The following AFF2 variants were observed in gnomAD, a reference collection of about 807,000 sequenced individuals.
AFF2 encodes AF4/FMR2 family member 2.
A neutral mutation model predicts 76.9 loss-of-function variants in AFF2; 14 were observed. That is an observed-to-expected ratio of 0.18 (90% CI 0.12 to 0.28). The LOEUF (loss-of-function observed/expected upper bound fraction) is 0.28, where lower values mean the gene tolerates loss of function less well. Ranked by LOEUF, AFF2 falls within the 10% of genes least tolerant of loss-of-function variation. AFF2 has a pLI of 1.00. For missense variants in AFF2, 868 were observed against 1,001.1 expected, an observed-to-expected ratio of 0.87 and a Z score of 1.79; for synonymous variants, 398 against 366.7, an observed-to-expected ratio of 1.09 and a Z score of -0.98.
intron 8 of AFF2, among the ~76,000 whole-genome samples, chrX:148,898,285 G>T (rs2071316808): frequency 8.9e-6 from 1 of 112,198 alleles, no homozygotes; most frequent in East Asian, 2.8e-4. Flanking sequence ...TAGAATGGCA[G>T]TGTGAGTGAA....
intron 3 of AFF2, among the ~76,000 whole-genome samples, chrX:148,754,911 G>A (rs1380473447): frequency 9.0e-6 from 1 of 111,640 alleles, no homozygotes; most frequent in Non-Finnish European, 1.9e-5. Flanking sequence ...GGATTACAAT[G>A]AAATAAATAA....
At chrX:148,655,710 C>T (rs1386653839) in intron 2 of AFF2, among the ~76,000 whole-genome samples, 2 of 111,783 alleles carry the variant, frequency 1.8e-5, no homozygotes, top group African/African-American at 6.5e-5. Flanking sequence ...TCAGGGTTCC[C>T]TGGGAGAACA....
chrX:148,978,582 C>T (rs782566748), intron 18 of AFF2, 127 bp downstream of exon 18: 6 of 468,846 alleles, frequency 1.3e-5, no homozygotes, highest in African/African-American at 7.2e-5. Flanking sequence ...TGGCCATGGC[C>T]GTCCTACCCT....
chrX:148,960,722 T>C (rs2072099292), intron 12 of AFF2, among the ~76,000 whole-genome samples: 1 of 112,172 alleles, frequency 8.9e-6, no homozygotes, highest in Non-Finnish European at 1.9e-5. Context: ...CACCAGACTA[T>C]GACAGCTATA....
chrX:148,784,136 G>T (rs2069782275), intron 3 of AFF2, among the ~76,000 whole-genome samples: 1 of 112,276 alleles, frequency 8.9e-6, no homozygotes, highest in African/African-American at 3.2e-5. Flanking sequence ...GTTCAGAGTA[G>T]ATTAAGGAAA....
intron 10 of AFF2, among the ~76,000 whole-genome samples, chrX:148,954,914 C>CA (rs782786075): frequency 3.4e-4 from 38 of 112,385 alleles, no homozygotes; most frequent in Non-Finnish European, 6.4e-4. Flanking sequence ...TGGCAGAACT[C>CA]AGAGTTAGGA....
intron 1 of AFF2, among the ~76,000 whole-genome samples, chrX:148,523,319 C>T (rs1349193904): frequency 3.6e-5 from 4 of 111,762 alleles, no homozygotes; most frequent in African/African-American, 1.3e-4. Context: ...TGTACATATA[C>T]CCCATTCATG....
rs1223712953 is a variant in AFF2, at chrX:148,773,681, GGAAGGAAAGAAA to G, written c.1042-36191_1042-36180del. Among the ~76,000 whole-genome samples the G allele has an allele frequency of 7.6e-3, 321 of 42,132 alleles. 4 individuals carry two copies. The highest frequency in any genetic ancestry group is 0.02 in the African/African-American group (296 of 14,942). The allele number at this position is 42,132 out of a possible 115,157, so 36.6% of individuals were successfully genotyped here. On this transcript the variant is annotated intron_variant, in intron 3 of 20. Coordinates refer to ENST00000370460, the MANE Select transcript of AFF2 (RefSeq NM_002025.4). ...AGGAAGGAAGGAAAGAAGGAAGGAAGGAAGGAAAGAAAGAAAGAAAGAAAGAAAGAAAGAAAG... is the reference window on the plus strand; with the variant it reads ...AGGAAGGAAGGAAAGAAGGAAGGAAGGAAAGAAAGAAAGAAAGAAAGAAAG...
intron 1 of AFF2, among the ~76,000 whole-genome samples, chrX:148,556,137 CA>C (rs2053050245): frequency 8.9e-6 from 1 of 112,085 alleles, no homozygotes; most frequent in Non-Finnish European, 1.9e-5. Context: ...TACCCCAAGG[CA>C]TTAGATGCCG....
At chrX:148,576,457 A>C (rs1303094049) in intron 1 of AFF2, among the ~76,000 whole-genome samples, 2 of 111,868 alleles carry the variant, frequency 1.8e-5, no homozygotes, top group Non-Finnish European at 3.8e-5. Flanking sequence ...GCTTAATGCT[A>C]TCAGGATGAT....
chrX:148,535,727 C>T (rs1459108128), intron 1 of AFF2, among the ~76,000 whole-genome samples: 1 of 111,939 alleles, frequency 8.9e-6, no homozygotes, highest in Non-Finnish European at 1.9e-5. Flanking sequence ...TTAGTTACCC[C>T]AATCACTATC....
At chrX:148,772,053 A>G (rs147406551) in intron 3 of AFF2, among the ~76,000 whole-genome samples, 35 of 111,844 alleles carry the variant, frequency 3.1e-4, no homozygotes, top group African/African-American at 1.1e-3. Context: ...TTTTTGACCC[A>G]TAATAGGTTA....
At chrX:148,985,306 T>TTTTTTTTTTC (rs1557291386) in intron 19 of AFF2, among the ~76,000 whole-genome samples, 12 of 70,903 alleles carry the variant, frequency 1.7e-4, no homozygotes, top group African/African-American at 6.7e-4. Context: ...TTTTTTTTTT[T>TTTTTTTTTTC]TTTTTTTTTT....
intron 7 of AFF2, among the ~76,000 whole-genome samples, chrX:148,854,697 A>G (rs1053418247): frequency 9.9e-5 from 11 of 111,419 alleles, no homozygotes; most frequent in Non-Finnish European, 1.9e-4. Flanking sequence ...GAGCCAGGGA[A>G]ATGAAACAAG....
chrX:148,680,291 A>G (rs983754432), intron 3 of AFF2, among the ~76,000 whole-genome samples: 1 of 112,346 alleles, frequency 8.9e-6, no homozygotes, highest in African/African-American at 3.2e-5. Context: ...GGAGAGCTGA[A>G]GAGTTCATAG....
intron 1 of AFF2, among the ~76,000 whole-genome samples, chrX:148,648,561 C>CAAAAAAA (rs1241628949): frequency 4.3e-5 from 1 of 23,045 alleles, no homozygotes; most frequent in African/African-American, 1.4e-4. Context: ...AAAACTCCGT[C>CAAAAAAA]AAAAAAAAAA....
chrX:148,967,503 G>C, intron 14 of AFF2, 126 bp from the exon 15 acceptor site: 1 of 584,776 alleles, frequency 1.7e-6, no homozygotes, highest in East Asian at 3.4e-5. Context: ...ATGAATGACA[G>C]CATTAGTCTG....
chrX:148,727,552 C>A (rs2055173568), intron 3 of AFF2, among the ~76,000 whole-genome samples: 2 of 111,454 alleles, frequency 1.8e-5, no homozygotes, highest in Admixed American at 9.5e-5. Flanking sequence ...TTGCAAAACA[C>A]TGTCTCATAG....
At chrX:148,780,299 T>G (rs1557268973) in intron 3 of AFF2, among the ~76,000 whole-genome samples, 1 of 111,788 alleles carries the variant, frequency 8.9e-6, no homozygotes, top group Non-Finnish European at 1.9e-5. Context: ...GGCCTGTCTT[T>G]GTAGGTTGGG....
Sources: allele counts gnomAD v4.1 joint callset (sites outside exome capture counted in the v4.1 genomes callset), GRCh38; gene constraint gnomAD v4.1.1; transcripts MANE v1.5; gene names NCBI Gene and HGNC (gene_info 2026-07-23, HGNC 2026-07-21).